PDS5B: variants seen among roughly 807,000 people sequenced by gnomAD.
PDS5B encodes sister chromatid cohesion protein PDS5 homolog B.
Under a neutral mutation model 184.1 loss-of-function variants are expected in PDS5B, and 51 were observed. The ratio of observed to expected loss-of-function variants is 0.28; its 90% CI spans 0.22 to 0.35. PDS5B has a LOEUF of 0.35. PDS5B is among the 10% of genes least tolerant of loss of function. PDS5B has a pLI of 1.00. For missense variants in PDS5B, 1,180 were observed against 1,723.3 expected, an observed-to-expected ratio of 0.68 and a Z score of 5.58; for synonymous variants, 566 against 569.2, an observed-to-expected ratio of 0.99 and a Z score of 0.08.
intron 13 of PDS5B, chr13:32,689,188 G>A (rs1379815278): frequency 6.6e-6 from 1 of 152,338 alleles, no homozygotes; most frequent in East Asian, 1.9e-4. Context: ...TAGGTTTTAG[G>A]AAATGTAGAC....
chr13:32,771,909 G>C (rs1422370782), intron 33 of PDS5B, among the ~76,000 whole-genome samples: 1 of 150,548 alleles, frequency 6.6e-6, no homozygotes, highest in Non-Finnish European at 1.5e-5. Flanking sequence ...AATTACACAA[G>C]TCCTATGAAT....
intron 1 of PDS5B, among the ~76,000 whole-genome samples, chr13:32,614,067 G>T (rs2058183166): frequency 6.6e-6 from 1 of 152,168 alleles, no homozygotes; most frequent in Admixed American, 6.5e-5. Context: ...TTTCTAGGCT[G>T]TCTGTTCTGT....
chr13:32,692,414 C>CTTTTTTTTTTTTTTTTTT lies in PDS5B; in HGVS notation c.1470-1809_1470-1808insTTTTTTTTTTTTTTTTTT, dbSNP rs1593440334. ...ATTAAACAAGTTTGCGTCCAAAAAGCCTTTTTTTTTTTTTTTTTTTTTTTT... is the reference window on the plus strand; with the variant it reads ...ATTAAACAAGTTTGCGTCCAAAAAGCTTTTTTTTTTTTTTTTTTCTTTTTTTTTTTTTTTTTTTTTTTT... On this transcript the variant is annotated intron_variant, in intron 13 of 34. Transcript: ENST00000315596. Among the ~76,000 whole-genome samples, 59 of 69,150 alleles carry CTTTTTTTTTTTTTTTTTT rather than the reference C, an allele frequency of 8.5e-4. 25 individuals are homozygous for CTTTTTTTTTTTTTTTTTT. The highest frequency in any genetic ancestry group is 1.1e-3 in the African/African-American group (21 of 19,838). 45.4% of individuals were successfully genotyped at this position (69,150 alleles called of 152,430 possible).
intron 1 of PDS5B, 74 bp from the exon 2 acceptor site, chr13:32,648,680 A>G (rs1172438341): frequency 4.6e-6 from 3 of 655,946 alleles, no homozygotes; most frequent in Non-Finnish European, 5.4e-6. Flanking sequence ...TTGGTGGGGA[A>G]GGTTACCATT....
intron 10 of PDS5B, among the ~76,000 whole-genome samples, chr13:32,681,608 A>G (rs1265785197): frequency 1.3e-5 from 2 of 151,576 alleles, no homozygotes; most frequent in African/African-American, 4.8e-5. Context: ...CCTGGGCGAT[A>G]GAGCAAGACT....
intron 19 of PDS5B, among the ~76,000 whole-genome samples, chr13:32,716,838 A>G (rs1281604056): frequency 8.3e-5 from 5 of 60,360 alleles, no homozygotes; most frequent in East Asian, 3.5e-4. Flanking sequence ...TCTGGGAGGG[A>G]GGTTGGGGGG....
intron 25 of PDS5B, among the ~76,000 whole-genome samples, chr13:32,755,153 G>T (rs1326437355): frequency 6.6e-6 from 1 of 151,934 alleles, no homozygotes; most frequent in African/African-American, 2.4e-5. Flanking sequence ...TTTTTATTTG[G>T]CAAATAGGAA....
At chr13:32,609,196 G>C (rs908723899) in intron 1 of PDS5B, among the ~76,000 whole-genome samples, 2 of 152,096 alleles carry the variant, frequency 1.3e-5, no homozygotes, top group Non-Finnish European at 2.9e-5. Flanking sequence ...CTTAAGAGAG[G>C]CTCCAAATCC....
intron 1 of PDS5B, among the ~76,000 whole-genome samples, chr13:32,614,954 T>G (rs573042776): frequency 1.3e-5 from 2 of 152,344 alleles, no homozygotes; most frequent in East Asian, 3.9e-4. Context: ...GTCCCTTTTG[T>G]AACTTTTTCT....
intron 24 of PDS5B, among the ~76,000 whole-genome samples, chr13:32,747,053 T>G (rs1476889546): frequency 6.6e-6 from 1 of 152,164 alleles, no homozygotes. Flanking sequence ...TATTACTCAG[T>G]GAGTTAAGTT....
chr13:32,694,430 T>C, intron 14 of PDS5B, 126 bp downstream of exon 14: 1 of 682,482 alleles, frequency 1.5e-6, no homozygotes, highest in Non-Finnish European at 2.5e-6. Flanking sequence ...AAGTTAGGAT[T>C]CCTTGTTTAG....
intron 1 of PDS5B, among the ~76,000 whole-genome samples, chr13:32,587,180 CG>C (rs1424124754): frequency 6.7e-6 from 1 of 150,156 alleles, no homozygotes; most frequent in African/African-American, 2.4e-5. Flanking sequence ...CCCCCGCCGC[CG>C]GGTCCCCGCG....
chr13:32,638,051 G>T (rs1347353759), intron 1 of PDS5B, among the ~76,000 whole-genome samples: 1 of 152,178 alleles, frequency 6.6e-6, no homozygotes, highest in Non-Finnish European at 1.5e-5. Context: ...GTGGTCACCT[G>T]GTGATTTGGT....
At chr13:32,594,165 C>T (rs986506298) in intron 1 of PDS5B, among the ~76,000 whole-genome samples, 2 of 152,162 alleles carry the variant, frequency 1.3e-5, no homozygotes, top group Admixed American at 6.5e-5. Flanking sequence ...GCTGTCACTT[C>T]CCATCACCCC....
At chr13:32,713,910 T>C (rs543644494) in intron 19 of PDS5B, among the ~76,000 whole-genome samples, 1 of 152,308 alleles carries the variant, frequency 6.6e-6, no homozygotes, top group South Asian at 2.1e-4. Context: ...CCTGCCCCGA[T>C]AATCATGTAG....
intron 21 of PDS5B, among the ~76,000 whole-genome samples, chr13:32,738,603 G>A (rs919515901): frequency 2.6e-5 from 4 of 152,080 alleles, no homozygotes; most frequent in Non-Finnish European, 5.9e-5. Context: ...CATGAAGTGT[G>A]TAAAACCTCA....
rs1954971352 is a variant in PDS5B at position 32,776,789 on chromosome 13, A to G, written c.*1737A>G. 6.6e-6 allele frequency: 1 copy of G among 152,374 alleles called. No individual in the cohort carries two copies. The highest frequency in any genetic ancestry group is 6.6e-5 in the Admixed American group (1 of 15,250). 9.4% of individuals were successfully genotyped at this position (152,374 alleles called of 1,614,324 possible). On this transcript the variant is annotated 3_prime_UTR_variant, in exon 35 of 35. Transcript: ENST00000315596. ...AATGTATATTGCAATTGATGTGATT[A>G]TTTTTCTTTTAAAGATTTGTTTGTG...
At chr13:32,656,273 C>CTTTT (rs71071057) in intron 3 of PDS5B, among the ~76,000 whole-genome samples, 2,919 of 96,732 alleles carry the variant, frequency 0.03, 144 homozygotes, top group African/African-American at 0.082. Flanking sequence ...TCTCCAGCTT[C>CTTTT]TTTTTTTTTT....
At chr13:32,707,215 T>G (rs1007346623) in intron 18 of PDS5B, among the ~76,000 whole-genome samples, 176 bp downstream of exon 18, 1 of 152,182 alleles carries the variant, frequency 6.6e-6, no homozygotes, top group Admixed American at 6.5e-5. Context: ...TCTGATTATT[T>G]TGGGGTTTAA....
Sources: gnomAD v4.1 joint callset for allele counts (sites outside exome capture counted in the v4.1 genomes callset) on GRCh38, gnomAD v4.1.1 for gene constraint, MANE v1.5 for transcripts, NCBI Gene and HGNC (gene_info 2026-07-23, HGNC 2026-07-21) for gene names.